Variants in PLEKHG7 observed in about 807,000 individuals in gnomAD.
The protein encoded by PLEKHG7 is pleckstrin homology and RhoGEF domain containing G7.
A neutral mutation model predicts 85.2 loss-of-function variants in PLEKHG7; 77 were observed. That is an observed-to-expected ratio of 0.90 (90% confidence interval 0.75 to 1.09). The LOEUF (loss-of-function observed/expected upper bound fraction) is 1.09, where lower values mean the gene tolerates loss of function less well. Among genes scored for constraint, PLEKHG7 ranks in the 50% least tolerant of loss-of-function variants. The pLI, the probability that PLEKHG7 is intolerant of heterozygous loss-of-function variation, is 0.00. For synonymous variants in PLEKHG7, 301 were observed against 302.4 expected (o/e 1.00, Z 0.05); for missense variants, 777 against 804.3 (o/e 0.97, Z 0.41).
chr12:92,758,128 G>A (rs940892340), intron 13 of PLEKHG7, among the ~76,000 whole-genome samples: 5 of 152,222 alleles, frequency 3.3e-5, no homozygotes, highest in South Asian at 2.1e-4. Flanking sequence ...AAGTAATAAA[G>A]CAAAACATTA....
At chr12:92,714,878 G>T (rs1213217333) in intron 3 of PLEKHG7, among the ~76,000 whole-genome samples, 1 of 152,010 alleles carries the variant, frequency 6.6e-6, no homozygotes, top group African/African-American at 2.4e-5. Flanking sequence ...GCATTTTTCG[G>T]TCTAATCATA....
At chr12:92,758,703 T>C (rs923764401) in intron 13 of PLEKHG7, among the ~76,000 whole-genome samples, 3 of 152,226 alleles carry the variant, frequency 2.0e-5, no homozygotes, top group African/African-American at 7.2e-5. Context: ...CACCAGGCAC[T>C]TGTTTAATGG....
At chr12:92,719,412 T>C (rs1415590224) in intron 3 of PLEKHG7, among the ~76,000 whole-genome samples, 1 of 152,180 alleles carries the variant, frequency 6.6e-6, no homozygotes, top group African/African-American at 2.4e-5. Flanking sequence ...GTCACACAAT[T>C]GCTGAAAAGC....
At chr12:92,708,419 T>G (rs1871301415) in intron 3 of PLEKHG7, 1 of 152,248 alleles carries the variant, frequency 6.6e-6, no homozygotes, top group African/African-American at 2.4e-5. Context: ...CATTCTTTGT[T>G]GATTTTAATC....
chr12:92,708,766 G>C (rs1871310381), intron 3 of PLEKHG7, among the ~76,000 whole-genome samples: 1 of 152,172 alleles, frequency 6.6e-6, no homozygotes, highest in African/African-American at 2.4e-5. Flanking sequence ...TGGAGCCTGG[G>C]CTCTGAATCT....
At chr12:92,734,916 C>T (rs948136575) in intron 5 of PLEKHG7, among the ~76,000 whole-genome samples, 3 of 152,194 alleles carry the variant, frequency 2.0e-5, no homozygotes, top group Admixed American at 2.0e-4. Context: ...AAATGCTTCT[C>T]ATTGCCTCTC....
rs546081523 is a variant in PLEKHG7 at position 92,715,741 on chromosome 12, C to G, written c.530+8069C>G. 1.3e-4 allele frequency among the ~76,000 whole-genome samples: 18 copies of G among 136,066 alleles called. No homozygotes were observed. The South Asian group carries it at 2.0e-3, about 15-fold the overall frequency. 89.3% of individuals were successfully genotyped at this position (136,066 alleles called of 152,430 possible). On this transcript the variant is annotated intron_variant, in intron 3 of 16. Transcript: ENST00000344636. ...CAAAAAAAAAAAAAAAAAAAAAAGG[C>G]CTATCAAATGGTATAAACTAGGATT...
At chr12:92,753,950 C>G in intron 10 of PLEKHG7, 140 bp from the exon 11 acceptor site, 1 of 768,802 alleles carries the variant, frequency 1.3e-6, no homozygotes, top group Non-Finnish European at 2.1e-6. Flanking sequence ...TAATTTGTGG[C>G]TTATAAATTG....
rs911715186 is a variant in PLEKHG7 at position 92,765,028 on chromosome 12, C to G, written c.1870+834C>G. Among the ~76,000 whole-genome samples, 6 of 152,094 alleles carry G rather than the reference C, an allele frequency of 3.9e-5. No homozygotes were observed. In the East Asian group the frequency reaches 9.6e-4, roughly 24 times the overall value. On this transcript the variant is annotated intron_variant, in intron 15 of 16. Transcript: ENST00000344636. ...ATTGGAGGGGCCGGAAAAGAGAAAGCGCTCACCATCCCCCTCAATTCCCAT... is the reference window on the plus strand; with the variant it reads ...ATTGGAGGGGCCGGAAAAGAGAAAGGGCTCACCATCCCCCTCAATTCCCAT...
At chr12:92,728,904 C>A in intron 3 of PLEKHG7, 89 bp from the exon 4 acceptor site, 1 of 1,049,116 alleles carries the variant, frequency 9.5e-7, no homozygotes, top group Non-Finnish European at 1.2e-6. Context: ...ACGCCAACAT[C>A]TGTTGTTTTT....
At chr12:92,739,758 T>C (rs542833648) in intron 7 of PLEKHG7, among the ~76,000 whole-genome samples, 5 of 152,348 alleles carry the variant, frequency 3.3e-5, no homozygotes, top group African/African-American at 9.6e-5. Flanking sequence ...AAGAATCTTA[T>C]AGCAAAAGTA....
intron 3 of PLEKHG7, chr12:92,721,319 CA>C (rs1871633881): frequency 2.0e-6 from 1 of 506,636 alleles, no homozygotes; most frequent in South Asian, 1.1e-4. Context: ...CACATGGGTG[CA>C]CGGCCTGCTC....
rs1373695098 is a variant in PLEKHG7 at position 92,770,669 on chromosome 12, G to A, written c.*474G>A. On this transcript the variant is annotated 3_prime_UTR_variant, in exon 17 of 17. Transcript: ENST00000344636. Reference sequence around the variant, plus strand: ...CCTCAAACATAATGATAAATCTTTAGATACAAAGCTTGATTGTTCTTTTAA... The same window carrying A: ...CCTCAAACATAATGATAAATCTTTAAATACAAAGCTTGATTGTTCTTTTAA... The A allele has an allele frequency of 2.0e-5, 3 of 152,508 alleles. No homozygotes were observed. Among genetic ancestry groups the A allele is most frequent in the Non-Finnish European group, 2.9e-5 (2 of 68,336 alleles). The allele number at this position is 152,508 out of a possible 1,614,324, so 9.4% of individuals were successfully genotyped here. A position where few individuals can be genotyped will look rare whatever the true frequency, so the allele number is the denominator to read the frequency against.
chr12:92,754,421 G>T (rs1028094498), intron 11 of PLEKHG7, among the ~76,000 whole-genome samples, 157 bp downstream of exon 11: 3 of 152,170 alleles, frequency 2.0e-5, no homozygotes, highest in Admixed American at 6.5e-5. Flanking sequence ...AATCAAATGC[G>T]CACAGAACAA....
chr12:92,761,637 A>C (rs969346720), intron 13 of PLEKHG7, 115 bp from the exon 14 acceptor site: 1 of 506,184 alleles, frequency 2.0e-6, no homozygotes. Context: ...AAAGAAAGAA[A>C]GAAAGAAAGA....
Position 92,711,373 on chromosome 12 carries a change from GAGACC to G in PLEKHG7, c.530+3703_530+3707del, listed in dbSNP as rs530799221. ...GAGAGAAGGCAGGGTGGCAGGAGTG[GAGACC>G]ATGAGCATTTGAGCCACTTCCTCAT... On this transcript the variant is annotated intron_variant, in intron 3 of 16. Coordinates refer to ENST00000344636, the MANE Select transcript of PLEKHG7 (RefSeq NM_001377329.1). Among the ~76,000 whole-genome samples, 431 of 152,266 alleles carry G rather than the reference GAGACC, an allele frequency of 2.8e-3. 3 individuals are homozygous for G. Among genetic ancestry groups the G allele is most frequent in the African/African-American group, 9.8e-3 (408 of 41,550 alleles).
At chr12:92,704,911 G>A (rs1328273492) in intron 1 of PLEKHG7, among the ~76,000 whole-genome samples, 2 of 152,150 alleles carry the variant, frequency 1.3e-5, no homozygotes, top group Admixed American at 1.3e-4. Context: ...GAGTCAGGGA[G>A]TAAAATAAGA....
At chr12:92,734,803 T>C (rs991130436) in intron 5 of PLEKHG7, among the ~76,000 whole-genome samples, 1 of 152,258 alleles carries the variant, frequency 6.6e-6, no homozygotes, top group Non-Finnish European at 1.5e-5. Flanking sequence ...ATGACTACTG[T>C]ACATCTTCAT....
chr12:92,729,039 C>G lies in PLEKHG7; in HGVS notation c.577C>G (p.Leu193Val). ...TTCTGTGGTGCTGAACTTACCTGGA[C>G]TTGAGGTGTTCCCCGGGGACCTTCT... ...RSSVVLNLPGLEVFPGDLLVS... is the reference protein window; with the variant it reads ...RSSVVLNLPGVEVFPGDLLVS... Residue 193 changes from leucine (L) to valine (V), a missense_variant, in exon 4 of 17, where the codon CTT becomes GTT. This residue lies in a region of PLEKHG7 where 252 missense variants were observed against 241.9 expected (regional missense o/e 1.04). Transcript: ENST00000344636. The G allele has an allele frequency of 8.1e-7, 1 of 1,231,848 alleles. No homozygotes were observed. The allele number at this position is 1,231,848 out of a possible 1,614,324, so 76.3% of individuals were successfully genotyped here.
Sources: gnomAD v4.1 joint callset for allele counts (sites outside exome capture counted in the v4.1 genomes callset) on GRCh38, gnomAD v4.1.1 for gene constraint, gnomAD v4.1.1 regional missense constraint, MANE v1.5 for transcripts, NCBI Gene and HGNC (gene_info 2026-07-23, HGNC 2026-07-21) for gene names.